Variants in RAD54L2 observed in about 807,000 individuals in gnomAD.
RAD54L2 encodes helicase ARIP4.
RAD54L2 carries 27 observed loss-of-function variants against 138.4 expected under a neutral mutation model. The observed-to-expected ratio is 0.20, with a 90% CI of 0.14 to 0.27. The LOEUF (loss-of-function observed/expected upper bound fraction) is 0.27. Among genes scored for constraint, RAD54L2 ranks in the 10% least tolerant of loss-of-function variants. The pLI is 1.00. For synonymous variants in RAD54L2, 644 were observed against 723.2 expected (o/e 0.89, Z 1.76); for missense variants, 1,396 against 1,890.2 (o/e 0.74, Z 4.85).
intron 2 of RAD54L2, among the ~76,000 whole-genome samples, chr3:51,578,572 G>C (rs1699534744): frequency 6.6e-6 from 1 of 152,132 alleles, no homozygotes; most frequent in Non-Finnish European, 1.5e-5. Context: ...CCCCTCATGG[G>C]TGGGAACTGG....
Position 51,645,682 on chromosome 3 carries a change from C to T in RAD54L2, c.2748C>T (p.Pro916=). ...ACTTTGTTGAGAAGGAGCCAGCTCC[C>T]CAAGTTTCCTTGAACGTAAAGGGGA... ...LLHFVEKEPA[P]QVSLNVKGIK... The change falls in exon 18 of 23, where the codon CCC becomes CCT. Residue 916 remains proline (P), a synonymous_variant. Coordinates refer to ENST00000684192, the MANE Select transcript of RAD54L2 (RefSeq NM_015106.4). The surrounding 1 kb of genome is among the most constrained non-coding windows in gnomAD (Gnocchi z 6.1). The T allele has an allele frequency of 1.2e-6, 2 of 1,612,508 alleles. No individual in the cohort carries two copies. The highest frequency in any genetic ancestry group is 1.7e-6 in the Non-Finnish European group (2 of 1,179,362).
At chr3:51,597,413 A>G (rs1699986947) in intron 3 of RAD54L2, among the ~76,000 whole-genome samples, 1 of 152,134 alleles carries the variant, frequency 6.6e-6, no homozygotes, top group Admixed American at 6.6e-5. Context: ...TTACTGGAAG[A>G]TTGGTGAAGT....
At chr3:51,641,945 T>C (rs1701147557) in intron 15 of RAD54L2, 78 bp downstream of exon 15, 2 of 996,696 alleles carry the variant, frequency 2.0e-6, no homozygotes, top group African/African-American at 3.3e-5. Flanking sequence ...TCTCTTTCTC[T>C]TTCTCCACTC....
At chr3:51,577,194 A>G (rs1156349008) in intron 2 of RAD54L2, among the ~76,000 whole-genome samples, 5 of 152,200 alleles carry the variant, frequency 3.3e-5, no homozygotes, top group African/African-American at 1.2e-4. Context: ...ATTTGATTGC[A>G]CTGTGGTCTG....
chr3:51,566,932 T>C (rs1466008740), intron 2 of RAD54L2, among the ~76,000 whole-genome samples: 1 of 152,154 alleles, frequency 6.6e-6, no homozygotes, highest in Non-Finnish European at 1.5e-5. Context: ...GTCTCCATCC[T>C]CCAACCTAGG....
At chr3:51,551,430 G>A (rs947185326) in intron 2 of RAD54L2, among the ~76,000 whole-genome samples, 2 of 150,944 alleles carry the variant, frequency 1.3e-5, no homozygotes, top group Admixed American at 6.8e-5. Context: ...ATCATGCCTG[G>A]CCTAATTTAA....
chr3:51,615,542 T>C (rs1700427337), intron 3 of RAD54L2, among the ~76,000 whole-genome samples: 1 of 152,240 alleles, frequency 6.6e-6, no homozygotes, highest in Non-Finnish European at 1.5e-5. Context: ...TGAATGTCTG[T>C]TATGTGACAG....
At chr3:51,573,094 A>G (rs1321038190) in intron 2 of RAD54L2, among the ~76,000 whole-genome samples, 1 of 152,164 alleles carries the variant, frequency 6.6e-6, no homozygotes, top group Non-Finnish European at 1.5e-5. Context: ...TATAATCTAG[A>G]TGGATACATA....
chr3:51,645,042 G>A lies in RAD54L2; in HGVS notation c.2469G>A (p.Val823=). ...LLSTRAGCLG[V]NLIGANRVVV... ...TTTAAAGGGCCGGATGCTTGGGTGT[G>A]AATCTGATTGGTGCCAACCGAGTGG... Residue 823 remains valine, a synonymous_variant, in exon 17 of 23, where the codon GTG becomes GTA. Coordinates refer to ENST00000684192, the MANE Select transcript of RAD54L2 (RefSeq NM_015106.4). The surrounding 1 kb of genome is among the most constrained non-coding windows in gnomAD (Gnocchi z 6.1). 2 of 1,613,620 alleles carry A rather than the reference G, an allele frequency of 1.2e-6. No individual in the cohort carries two copies. Among genetic ancestry groups the A allele is most frequent in the East Asian group, 4.5e-5 (2 of 44,890 alleles).
chr3:51,634,572 G>A (rs1700936266), intron 9 of RAD54L2, among the ~76,000 whole-genome samples: 1 of 152,070 alleles, frequency 6.6e-6, no homozygotes, highest in South Asian at 2.1e-4. Flanking sequence ...GTTTTGCCAT[G>A]TTGGCCAGGC....
chr3:51,582,440 G>C (rs1293805462), intron 2 of RAD54L2, among the ~76,000 whole-genome samples: 1 of 151,972 alleles, frequency 6.6e-6, no homozygotes, highest in Non-Finnish European at 1.5e-5. Context: ...TTTTGTTTGT[G>C]TGTGTGTGAG....
rs1278956692 is a variant in RAD54L2 at position 51,664,320 on chromosome 3, TTGTC to T, written c.*904_*907del. 1.3e-5 allele frequency: 2 copies of T among 152,138 alleles called. No individual in the cohort carries two copies. The highest frequency in any genetic ancestry group is 2.9e-5 in the Non-Finnish European group (2 of 68,032). 9.4% of individuals were successfully genotyped at this position (152,138 alleles called of 1,614,324 possible). A position where few individuals can be genotyped will look rare whatever the true frequency, so the allele number is the denominator to read the frequency against. On this transcript the variant is annotated 3_prime_UTR_variant, in exon 23 of 23. Transcript: ENST00000684192. ...AGCTCTCCCTTTCCAGCTTGGAAGG[TTGTC>T]TGTGTGCAGAGGCTGGGAGGGAGAA...
chr3:51,639,818 T>C, intron 13 of RAD54L2, 63 bp from the exon 14 acceptor site: 8 of 1,486,896 alleles, frequency 5.4e-6, no homozygotes, highest in Non-Finnish European at 7.3e-6. Flanking sequence ...TGGAAGGAAA[T>C]AATTTTATTT....
Position 51,645,069 on chromosome 3 carries a change from G to A in RAD54L2, c.2496G>A (p.Val832=). 1 of 1,613,882 alleles carries A rather than the reference G, an allele frequency of 6.2e-7. No individual in the cohort carries two copies. The highest frequency in any genetic ancestry group is 8.5e-7 in the Non-Finnish European group (1 of 1,179,892). The change falls in exon 17 of 23, where the codon GTG becomes GTA. Residue 832 remains valine, a synonymous_variant. Transcript: ENST00000684192. The surrounding 1 kb of genome is among the most constrained non-coding windows in gnomAD (Gnocchi z 6.1). ...GVNLIGANRV[V]VFDASWNPCH... ...ATCTGATTGGTGCCAACCGAGTGGT[G>A]GTGTTTGATGCTTCCTGGAACCCTT...
intron 2 of RAD54L2, among the ~76,000 whole-genome samples, chr3:51,572,979 T>G (rs1421948294): frequency 6.6e-6 from 1 of 152,062 alleles, no homozygotes; most frequent in African/African-American, 2.4e-5. Flanking sequence ...TCTACAATGC[T>G]AAGATATGTG....
At chr3:51,623,076 G>A (rs1040103849) in intron 3 of RAD54L2, among the ~76,000 whole-genome samples, 1 of 152,230 alleles carries the variant, frequency 6.6e-6, no homozygotes, top group East Asian at 1.9e-4. Context: ...CTGGAACCTA[G>A]CAGATGTTCA....
intron 2 of RAD54L2, among the ~76,000 whole-genome samples, chr3:51,546,157 T>C (rs1310471288): frequency 7.3e-5 from 11 of 151,438 alleles, no homozygotes; most frequent in African/African-American, 2.7e-4. Flanking sequence ...CAGGCTGCTC[T>C]TGAACTCTTG....
At chr3:51,651,715 G>A (rs1701441790) in intron 19 of RAD54L2, among the ~76,000 whole-genome samples, 1 of 152,146 alleles carries the variant, frequency 6.6e-6, no homozygotes, top group Non-Finnish European at 1.5e-5. Context: ...ATGCAGAAAA[G>A]GCATTCGACA....
chr3:51,633,635 C>A lies in RAD54L2; in HGVS notation c.884C>A (p.Thr295Asn). The change falls in exon 8 of 23, where the codon ACC becomes AAC. Residue 295 changes from threonine (T) to asparagine (N), a missense_variant. By Grantham distance (65) the Thr-to-Asn change is moderately conservative (BLOSUM62 0). This residue lies in a region of RAD54L2 where 12 missense variants were observed against 46.1 expected (regional missense o/e 0.26). Coordinates refer to ENST00000684192, the MANE Select transcript of RAD54L2 (RefSeq NM_015106.4). ...NLVESLERFK[T>N]SSGFGCILAH... Reference sequence around the variant, plus strand: ...GTGGAGTCTCTGGAGAGGTTTAAGACCAGCAGTGGCTTTGGCTGTATTCTG... The same window carrying A: ...GTGGAGTCTCTGGAGAGGTTTAAGAACAGCAGTGGCTTTGGCTGTATTCTG... 1 of 1,613,940 alleles carries A rather than the reference C, an allele frequency of 6.2e-7. No homozygotes were observed.
Sources: gnomAD v4.1 joint callset for allele counts (sites outside exome capture counted in the v4.1 genomes callset) on GRCh38, gnomAD v4.1.1 for gene constraint, gnomAD v4.1.1 regional missense constraint, Gnocchi (gnomAD v3.1) non-coding constraint, MANE v1.5 for transcripts, NCBI Gene and HGNC (gene_info 2026-07-23, HGNC 2026-07-21) for gene names.